TTI1: variants seen among roughly 807,000 people sequenced by gnomAD.
The protein encoded by TTI1 is TELO2-interacting protein 1 homolog.
TTI1 carries 52 observed loss-of-function variants against 85.4 expected under a neutral mutation model. That is an observed-to-expected ratio of 0.61 (90% CI 0.49 to 0.77). The LOEUF (loss-of-function observed/expected upper bound fraction) is 0.77. TTI1 is among the 30% of genes least tolerant of loss of function. The probability of loss-of-function intolerance (pLI) is 0.00; values close to 1 mark genes in which losing one functional copy is unlikely to be tolerated. For synonymous variants in TTI1, 512 were observed against 503.9 expected (o/e 1.02, Z -0.22); for missense variants, 1,173 against 1,296.0 (o/e 0.91, Z 1.46).
At chr20:38,024,763 G>T (rs898589138) in intron 1 of TTI1, among the ~76,000 whole-genome samples, 1 of 152,178 alleles carries the variant, frequency 6.6e-6, no homozygotes, top group Non-Finnish European at 1.5e-5. Flanking sequence ...CTCCTGCAGG[G>T]ATGGTGTGAA....
intron 3 of TTI1, among the ~76,000 whole-genome samples, chr20:38,004,130 T>C (rs533555215): frequency 2.0e-5 from 3 of 152,346 alleles, no homozygotes; most frequent in South Asian, 4.1e-4. Context: ...ACTGAGAGCA[T>C]TAAATGAGAT....
At chr20:37,998,117 A>C (rs1255155494) in intron 5 of TTI1, among the ~76,000 whole-genome samples, 1 of 152,030 alleles carries the variant, frequency 6.6e-6, no homozygotes, top group Non-Finnish European at 1.5e-5. Context: ...TTTAGTGGAG[A>C]CAGGGTTTCA....
intron 1 of TTI1, among the ~76,000 whole-genome samples, chr20:38,031,479 C>T (rs1017655974): frequency 4.6e-5 from 7 of 152,194 alleles, no homozygotes; most frequent in Non-Finnish European, 8.8e-5. Flanking sequence ...GAGGCCTTCT[C>T]TGAGAAGCAT....
chr20:38,032,306 A>G (rs2073921967), intron 1 of TTI1, among the ~76,000 whole-genome samples: 1 of 152,236 alleles, frequency 6.6e-6, no homozygotes, highest in African/African-American at 2.4e-5. Flanking sequence ...TTATGATTCC[A>G]GTCTGGAGGA....
At chr20:38,017,138 T>A (rs761832587) in intron 1 of TTI1, among the ~76,000 whole-genome samples, 11 of 152,206 alleles carry the variant, frequency 7.2e-5, no homozygotes, top group Non-Finnish European at 1.3e-4. Flanking sequence ...TAGTTTAGAC[T>A]AGAGGCTCTG....
At chr20:38,024,596 A>G (rs2073812617) in intron 1 of TTI1, among the ~76,000 whole-genome samples, 1 of 152,178 alleles carries the variant, frequency 6.6e-6, no homozygotes, top group African/African-American at 2.4e-5. Flanking sequence ...GAGTAGGGGA[A>G]TGGGCACCCT....
Position 38,012,478 on chromosome 20 carries a change from C to T in TTI1, c.1339G>A (p.Glu447Lys), listed in dbSNP as rs767255752. The T allele has an allele frequency of 1.4e-5, 23 of 1,614,064 alleles. 1 individual carries two copies. The South Asian group carries it at 2.3e-4, about 16-fold the overall frequency. Residue 447 changes from glutamate (E) to lysine (K), a missense_variant, in exon 2 of 8, where the codon GAG becomes AAG. By Grantham distance (56) the Glu-to-Lys change is moderately conservative (BLOSUM62 1). Transcript: ENST00000373447. ...TCATCAGAGTTCCAACGCCGTTCCT[C>T]AACAATCTTGATGTCAGCCACGTCT... ...ELDVADIKIV[E>K]ERRWNSDDLN...
chr20:37,983,670 G>A (rs763166890), intron 7 of TTI1, 31 bp from the exon 8 acceptor site: 12 of 1,456,448 alleles, frequency 8.2e-6, no homozygotes, highest in South Asian at 3.0e-5. Flanking sequence ...GTGAGTAGAG[G>A]GTACAGAGAG....
chr20:37,996,886 G>C lies in TTI1; in HGVS notation c.2861C>G (p.Pro954Arg). The C allele has an allele frequency of 6.2e-7, 1 of 1,614,130 alleles. No individual in the cohort carries two copies. The highest frequency in any genetic ancestry group is 1.6e-4 in the Middle Eastern group (1 of 6,062). ...GGTGACTAGGGAGCCAGCCAGCTTT[G>C]GCAGGACATCTTTGCAGAACCGGCT... ...LRSRFCKDVL[P>R]KLAGSLVTQA... The change falls in exon 6 of 8, where the codon CCA becomes CGA. Residue 954 changes from proline (P) to arginine (R), a missense_variant. Coordinates refer to ENST00000373447, the MANE Select transcript of TTI1 (RefSeq NM_001303457.2).
chr20:38,020,310 GAA>G (rs772839935), intron 1 of TTI1, among the ~76,000 whole-genome samples: 2,805 of 48,170 alleles, frequency 0.058, 98 homozygotes, highest in East Asian at 0.16. Flanking sequence ...CTACTCATAT[GAA>G]AAAAAAAAAA....
rs2073642833 is a variant in TTI1 at position 38,013,868 on chromosome 20, G to A, written c.-41-11C>T. 3 of 1,549,864 alleles carry A rather than the reference G, an allele frequency of 1.9e-6. No individual in the cohort carries two copies. The Admixed American group carries it at 6.0e-5, about 31-fold the overall frequency. On this transcript the variant is annotated splice_polypyrimidine_tract_variant and intron_variant, in intron 1 of 7. Coordinates refer to ENST00000373447, the MANE Select transcript of TTI1 (RefSeq NM_001303457.2). The stretch of plus-strand genomic sequence containing the variant: ...GAAACATCCTGCAGGCTGGAGGAAG[G>A]AAACTGTTCAGTAAAAATGTCAAGT...
At position 38,021,709 on chromosome 20, in the gene TTI1, G is replaced by A. The variant is rs549214402; in HGVS notation, c.-41-7852C>T. Among the ~76,000 whole-genome samples, 4 of 152,308 alleles carry A rather than the reference G, an allele frequency of 2.6e-5. No individual in the cohort carries two copies. In the South Asian group the frequency reaches 8.3e-4, roughly 32 times the overall value. On this transcript the variant is annotated intron_variant, in intron 1 of 7. Coordinates refer to ENST00000373447, the MANE Select transcript of TTI1 (RefSeq NM_001303457.2). ...TGGCAAGTAGGCACTGGAGAGGTGG[G>A]AGATGAGATCTGTGATTGGACAGCA... is the stretch of plus-strand genomic sequence containing the variant.
At chr20:38,004,228 T>C (rs1215045680) in intron 3 of TTI1, among the ~76,000 whole-genome samples, 3 of 152,156 alleles carry the variant, frequency 2.0e-5, no homozygotes, top group Non-Finnish European at 4.4e-5. Context: ...CACCACAAGA[T>C]TTGAGAATTG....
chr20:38,015,669 T>G (rs954238105), intron 1 of TTI1, among the ~76,000 whole-genome samples: 2 of 152,142 alleles, frequency 1.3e-5, no homozygotes, highest in African/African-American at 4.8e-5. Context: ...AAGACCAAGT[T>G]CAATTATGAC....
chr20:37,987,705 A>T (rs1219845288), intron 7 of TTI1, among the ~76,000 whole-genome samples: 2 of 152,256 alleles, frequency 1.3e-5, no homozygotes, highest in Middle Eastern at 3.2e-3. Context: ...GCTGTTAGGC[A>T]GTTTCTAAGC....
chr20:38,006,912 G>C (rs915235261), intron 2 of TTI1, among the ~76,000 whole-genome samples: 1 of 152,132 alleles, frequency 6.6e-6, no homozygotes, highest in Non-Finnish European at 1.5e-5. Flanking sequence ...GCCCAGTGTG[G>C]GTTCCAGCAT....
At chr20:38,014,331 C>T (rs2073650040) in intron 1 of TTI1, among the ~76,000 whole-genome samples, 1 of 152,226 alleles carries the variant, frequency 6.6e-6, no homozygotes, top group Non-Finnish European at 1.5e-5. Context: ...AATGTAACCA[C>T]TTCCCGAAGT....
At chr20:38,010,434 TCC>T in intron 2 of TTI1, among the ~76,000 whole-genome samples, 4 of 151,798 alleles carry the variant, frequency 2.6e-5, no homozygotes, top group African/African-American at 9.7e-5. Context: ...AGGATTCCTT[TCC>T]TTATAATTGA....
intron 1 of TTI1, among the ~76,000 whole-genome samples, chr20:38,022,556 T>C (rs1295479922): frequency 1.3e-5 from 2 of 152,198 alleles, no homozygotes; most frequent in Non-Finnish European, 2.9e-5. Flanking sequence ...AGTGCTGATA[T>C]CAGCTATTCC....
Sources: gnomAD v4.1 joint callset for allele counts (sites outside exome capture counted in the v4.1 genomes callset) on GRCh38, gnomAD v4.1.1 for gene constraint, MANE v1.5 for transcripts, NCBI Gene and HGNC (gene_info 2026-07-23, HGNC 2026-07-21) for gene names.